The following DACH1 variants were observed in gnomAD, a reference collection of about 807,000 sequenced individuals.
DACH1 encodes dachshund homolog 1.
Under a neutral mutation model 54.2 loss-of-function variants are expected in DACH1, and 12 were observed. The observed-to-expected ratio is 0.22, with a 90% CI of 0.14 to 0.36. DACH1 has a LOEUF of 0.36. DACH1 is among the 10% of genes least tolerant of loss of function. DACH1 has a pLI of 1.00. For synonymous variants in DACH1, 386 were observed against 366.2 expected, an observed-to-expected ratio of 1.05 and a Z score of -0.62; for missense variants, 805 against 929.8, an observed-to-expected ratio of 0.87 and a Z score of 1.75.
At chr13:71,771,176 A>G (rs910785674) in intron 1 of DACH1, among the ~76,000 whole-genome samples, 1 of 151,494 alleles carries the variant, frequency 6.6e-6, no homozygotes, top group African/African-American at 2.4e-5. Context: ...AAAATATTTT[A>G]GATAATGAAA....
At chr13:71,756,239 C>T (rs959570372) in intron 1 of DACH1, among the ~76,000 whole-genome samples, 5 of 151,430 alleles carry the variant, frequency 3.3e-5, no homozygotes, top group East Asian at 2.0e-4. Flanking sequence ...GAGACAGGTT[C>T]TCACAGTGTT....
chr13:71,732,372 C>T (rs1272485624), intron 1 of DACH1, among the ~76,000 whole-genome samples: 1 of 151,862 alleles, frequency 6.6e-6, no homozygotes, highest in Non-Finnish European at 1.5e-5. Flanking sequence ...ATCTCCTGAG[C>T]TCAGGAGTTC....
Position 71,790,210 on chromosome 13 carries a change from C to CT in DACH1, c.848+75711dup, listed in dbSNP as rs1016461486. On this transcript the variant is annotated intron_variant, in intron 1 of 10. Coordinates refer to ENST00000613252, the MANE Select transcript of DACH1 (RefSeq NM_080759.6). ...AGGGACAAATAGGATTTGAAACAGA[C>CT]TTTTTTTTTCTTACAGTGCAAAAGA... Among the ~76,000 whole-genome samples, 203 of 151,714 alleles carry CT rather than the reference C, an allele frequency of 1.3e-3. 1 individual carries two copies. Among genetic ancestry groups the CT allele is most frequent in the African/African-American group, 4.7e-3 (196 of 41,414 alleles).
intron 3 of DACH1, among the ~76,000 whole-genome samples, chr13:71,617,644 A>C (rs2138533004): frequency 6.6e-6 from 1 of 152,370 alleles, no homozygotes; most frequent in Non-Finnish European, 1.5e-5. Flanking sequence ...CGGAAGAATA[A>C]AATAGTTAAC....
chr13:71,832,652 A>G (rs184268720), intron 1 of DACH1, among the ~76,000 whole-genome samples: 18 of 152,034 alleles, frequency 1.2e-4, no homozygotes, highest in Admixed American at 1.2e-3. Flanking sequence ...TTGTTATTAT[A>G]GAAGAGGAAC....
chr13:71,556,989 T>G, intron 6 of DACH1, 35 bp downstream of exon 6: 6 of 1,545,504 alleles, frequency 3.9e-6, no homozygotes, highest in Non-Finnish European at 4.4e-6. Flanking sequence ...ATCTATTGAA[T>G]CGGGAAAAAC....
At chr13:71,494,376 C>CT (rs537168970) in intron 6 of DACH1, among the ~76,000 whole-genome samples, 2 of 151,772 alleles carry the variant, frequency 1.3e-5, no homozygotes, top group Admixed American at 6.6e-5. Context: ...TGAATTTTGA[C>CT]TTTTTTTCCC....
At chr13:71,607,203 T>G (rs1874940710) in intron 3 of DACH1, among the ~76,000 whole-genome samples, 1 of 152,042 alleles carries the variant, frequency 6.6e-6, no homozygotes, top group African/African-American at 2.4e-5. Context: ...ATTTTATATT[T>G]GTAATAACAA....
intron 1 of DACH1, among the ~76,000 whole-genome samples, chr13:71,688,584 T>C (rs966807741): frequency 6.6e-6 from 1 of 152,178 alleles, no homozygotes; most frequent in African/African-American, 2.4e-5. Flanking sequence ...CATGTGCACT[T>C]CTCAGTACAA....
intron 3 of DACH1, among the ~76,000 whole-genome samples, chr13:71,599,997 G>C (rs995023164): frequency 8.6e-5 from 13 of 151,870 alleles, no homozygotes; most frequent in Admixed American, 3.9e-4. Context: ...ATAGTCCCTG[G>C]TATTAAGGAA....
At chr13:71,547,269 G>C (rs1593870241) in intron 6 of DACH1, among the ~76,000 whole-genome samples, 1 of 152,106 alleles carries the variant, frequency 6.6e-6, no homozygotes, top group East Asian at 1.9e-4. Flanking sequence ...GTTTTCCACA[G>C]CCCAAGACCT....
chr13:71,571,227 A>C (rs1885173919), intron 4 of DACH1, among the ~76,000 whole-genome samples: 2 of 152,180 alleles, frequency 1.3e-5, no homozygotes, highest in South Asian at 4.1e-4. Flanking sequence ...TTTAATGAGA[A>C]TAATCACATC....
chr13:71,492,823 TA>T (rs767609480), intron 6 of DACH1, among the ~76,000 whole-genome samples: 5 of 151,700 alleles, frequency 3.3e-5, no homozygotes, highest in Non-Finnish European at 7.4e-5. Context: ...CTTCCCCAAT[TA>T]AGCCTTAAGA....
chr13:71,529,344 G>C (rs1224548167), intron 6 of DACH1, among the ~76,000 whole-genome samples: 1 of 151,684 alleles, frequency 6.6e-6, no homozygotes, highest in Non-Finnish European at 1.5e-5. Context: ...TTGACACCAC[G>C]CCCAGCTATT....
At position 71,470,915 on chromosome 13, in the gene DACH1, T is replaced by C. The variant is rs773791913; in HGVS notation, c.2083+4226A>G. On this transcript the variant is annotated intron_variant, in intron 10 of 10. Transcript: ENST00000613252. ...TTGAACAAGGAACTGCATGTACAGA[T>C]GTTCCTATGGAGAAATGGAAGGTGT... Among the ~76,000 whole-genome samples, 3 of 152,106 alleles carry C rather than the reference T, an allele frequency of 2.0e-5. No homozygotes were observed. In the East Asian group the frequency reaches 5.8e-4, roughly 29 times the overall value.
chr13:71,780,977 T>C (rs1213910330), intron 1 of DACH1, among the ~76,000 whole-genome samples: 1 of 151,988 alleles, frequency 6.6e-6, no homozygotes, highest in African/African-American at 2.4e-5. Flanking sequence ...CTACAAAAAA[T>C]AAAAATAAAT....
intron 3 of DACH1, among the ~76,000 whole-genome samples, chr13:71,614,998 A>G (rs563766755): frequency 2.6e-4 from 40 of 152,178 alleles, no homozygotes; most frequent in African/African-American, 9.4e-4. Flanking sequence ...GTTTCTAACT[A>G]AAATCATGTA....
chr13:71,825,176 T>C (rs1191075775), intron 1 of DACH1, among the ~76,000 whole-genome samples: 1 of 152,164 alleles, frequency 6.6e-6, no homozygotes, highest in Non-Finnish European at 1.5e-5. Context: ...TTTAGTTTTC[T>C]CTTTCATTTA....
chr13:71,788,797 C>G (rs1169305411), intron 1 of DACH1, among the ~76,000 whole-genome samples: 1 of 152,022 alleles, frequency 6.6e-6, no homozygotes, highest in Admixed American at 6.6e-5. Context: ...TACAAATATG[C>G]TGTTGTAATA....
Sources: allele counts gnomAD v4.1 joint callset (sites outside exome capture counted in the v4.1 genomes callset), GRCh38; gene constraint gnomAD v4.1.1; transcripts MANE v1.5; gene names NCBI Gene and HGNC (gene_info 2026-07-23, HGNC 2026-07-21).